The following LRRC9 variants were observed in gnomAD, a reference collection of about 807,000 sequenced individuals.
LRRC9 encodes leucine-rich repeat-containing protein 9.
In LRRC9, 122 loss-of-function variants were observed where a neutral mutation model predicts 63.2. The ratio of observed to expected loss-of-function variants is 1.93; its 90% CI spans 1.67 to 2.24. The LOEUF (loss-of-function observed/expected upper bound fraction) is 2.24, where lower values mean the gene tolerates loss of function less well. Ranked by LOEUF, LRRC9 falls within the 30% of genes most tolerant of loss-of-function variation. The pLI is 0.00. For synonymous variants in LRRC9, 366 were observed against 213.1 expected (o/e 1.72, Z -6.25); for missense variants, 1,071 against 627.7 (o/e 1.71, Z -7.55).
Position 59,990,035 on chromosome 14 carries a change from C to A in LRRC9, c.2211+4811C>A, listed in dbSNP as rs185170560. 1.3e-5 allele frequency among the ~76,000 whole-genome samples: 2 copies of A among 150,468 alleles called. No individual in the cohort carries two copies. The highest frequency in any genetic ancestry group is 4.9e-5 in the African/African-American group (2 of 40,904). ...ATCCACCTCCTGGATTCAAGTAATTCTCCTGCCTTGGCCTCCCGACTAGAT... is the reference window on the plus strand; with the variant it reads ...ATCCACCTCCTGGATTCAAGTAATTATCCTGCCTTGGCCTCCCGACTAGAT... On this transcript the variant is annotated intron_variant, in intron 17 of 31. Coordinates refer to ENST00000445360, the Ensembl canonical transcript of LRRC9. This position sits in a 1 kb window ranked among gnomAD's most constrained non-coding sequence, Gnocchi z 4.2.
intron 23 of LRRC9, among the ~76,000 whole-genome samples, chr14:60,015,956 G>A (rs139085105): frequency 1.5e-3 from 234 of 152,186 alleles, no homozygotes; most frequent in Non-Finnish European, 2.5e-3. Flanking sequence ...GCTTGTTATC[G>A]TCTAAAGTTT....
Position 60,045,252 on chromosome 14 carries a change from C to G in LRRC9, c.3991-7813C>G, listed in dbSNP as rs1052334617. On this transcript the variant is annotated intron_variant, in intron 29 of 31. Coordinates refer to ENST00000445360, the Ensembl canonical transcript of LRRC9. ...GCATATAGTTGGGTCTTCTTTCTTT[C>G]TTTTTTAAAAAAAAATTTCAACTTT... Among the ~76,000 whole-genome samples, 7 of 151,632 alleles carry G rather than the reference C, an allele frequency of 4.6e-5. No homozygotes were observed. In the South Asian group the frequency reaches 6.2e-4, roughly 14 times the overall value.
chr14:60,009,332 T>C (rs994136053), intron 23 of LRRC9, among the ~76,000 whole-genome samples: 1 of 152,126 alleles, frequency 6.6e-6, no homozygotes, highest in Non-Finnish European at 1.5e-5. Context: ...CTCACAATCA[T>C]AGTGGAAGAC....
chr14:59,960,935 T>G, exon 10 of LRRC9: 1 of 682,356 alleles, frequency 1.5e-6, no homozygotes. Context: ...TTTATCATAT[T>G]GAAGTAAAAC....
In LRRC9 at chr14:59,990,176, C is replaced by A. The variant is rs1302551707; in HGVS notation, c.2211+4952C>A. On this transcript the variant is annotated intron_variant, in intron 17 of 31. Coordinates refer to ENST00000445360, the Ensembl canonical transcript of LRRC9. This position sits in a 1 kb window ranked among gnomAD's most constrained non-coding sequence, Gnocchi z 4.2. ...TCCCGACTTCAGGTGATCTGCCCGCCTCGACCTCCCAAAGTGCTGGGATTA... is the reference window on the plus strand; with the variant it reads ...TCCCGACTTCAGGTGATCTGCCCGCATCGACCTCCCAAAGTGCTGGGATTA... Among the ~76,000 whole-genome samples the A allele has an allele frequency of 1.3e-5, 2 of 152,124 alleles. No homozygotes were observed. The highest frequency in any genetic ancestry group is 2.9e-5 in the Non-Finnish European group (2 of 68,026).
intron 10 of LRRC9, among the ~76,000 whole-genome samples, chr14:59,965,765 C>A (rs1403099496): frequency 6.6e-6 from 1 of 151,384 alleles, no homozygotes; most frequent in Non-Finnish European, 1.5e-5. Flanking sequence ...CGCCTGTAGT[C>A]CCAGCTACTC....
intron 15 of LRRC9, among the ~76,000 whole-genome samples, chr14:59,979,660 C>CT (rs907101883): frequency 6.6e-6 from 1 of 151,976 alleles, no homozygotes; most frequent in Non-Finnish European, 1.5e-5. Context: ...TGTTCATGTC[C>CT]TTTGTAGGGA....
chr14:60,049,307 C>T (rs1263635539), intron 29 of LRRC9, among the ~76,000 whole-genome samples: 1 of 152,092 alleles, frequency 6.6e-6, no homozygotes, highest in Non-Finnish European at 1.5e-5. Flanking sequence ...ATGATGCTGG[C>T]TGGTTATTTT....
At position 59,964,592 on chromosome 14, in the gene LRRC9, G is replaced by C. The variant is rs1884649190; in HGVS notation, c.1212-1997G>C. ...CCTCAAGCCCAATATCCCCTATATA[G>C]CAAAAACTTTATCTAAAACGCCTAC... On this transcript the variant is annotated intron_variant, in intron 10 of 31. Transcript: ENST00000445360. This position sits in a 1 kb window ranked among gnomAD's most constrained non-coding sequence, Gnocchi z 4.4. Among the ~76,000 whole-genome samples, 1 of 152,096 alleles carries C rather than the reference G, an allele frequency of 6.6e-6. No homozygotes were observed. The highest frequency in any genetic ancestry group is 1.5e-5 in the Non-Finnish European group (1 of 68,020).
intron 28 of LRRC9, among the ~76,000 whole-genome samples, chr14:60,029,231 C>G (rs914747916): frequency 6.6e-6 from 1 of 151,982 alleles, no homozygotes; most frequent in Non-Finnish European, 1.5e-5. Context: ...CAGATCTTAC[C>G]TGGTATCAAG....
Position 59,944,588 on chromosome 14 carries a change from G to T in LRRC9, c.727-1G>T. On this transcript the variant is annotated splice_acceptor_variant, in intron 7 of 31. Transcript: ENST00000445360. LOFTEE classifies it high-confidence loss of function. ...TTTGTTGTTTTCTTTCTTACTTTTAGACCACAGCAATGAAAAAAATAATGT... is the reference window on the plus strand; with the variant it reads ...TTTGTTGTTTTCTTTCTTACTTTTATACCACAGCAATGAAAAAAATAATGT... 1.8e-6 allele frequency: 1 copy of T among 555,942 alleles called. No individual in the cohort carries two copies. The highest frequency in any genetic ancestry group is 2.5e-5 in the South Asian group (1 of 39,312). The allele number at this position is 555,942 out of a possible 1,614,324, so 34.4% of individuals were successfully genotyped here. A position where few individuals can be genotyped will look rare whatever the true frequency, so the allele number is the denominator to read the frequency against.
In LRRC9 at chr14:60,045,385, C is replaced by A. The variant is rs563328963; in HGVS notation, c.3991-7680C>A. Among the ~76,000 whole-genome samples the A allele has an allele frequency of 1.7e-3, 254 of 152,224 alleles. 3 individuals carry two copies. The highest frequency in any genetic ancestry group is 0.014 in the Admixed American group (220 of 15,296). On this transcript the variant is annotated intron_variant, in intron 29 of 31. Coordinates refer to ENST00000445360, the Ensembl canonical transcript of LRRC9. ...GTCACCCCATCACCTAGGTATTAAG[C>A]CAAGCATCTATTAGCTATTCTTCCT...
At position 59,962,506 on chromosome 14, in the gene LRRC9, C is replaced by T. The variant is rs912393054; in HGVS notation, c.1211+1461C>T. Among the ~76,000 whole-genome samples, 3 of 151,944 alleles carry T rather than the reference C, an allele frequency of 2.0e-5. No homozygotes were observed. Among genetic ancestry groups the T allele is most frequent in the Admixed American group, 6.6e-5 (1 of 15,262 alleles). On this transcript the variant is annotated intron_variant, in intron 10 of 31. Coordinates refer to ENST00000445360, the Ensembl canonical transcript of LRRC9. The surrounding 1 kb of genome is among the most constrained non-coding windows in gnomAD (Gnocchi z 5.1). ...GCAACCTCTGCCTCCCAGGTTCAAGCGATTCTCCTGCCTCAGACTCCCGAG... is the reference window on the plus strand; with the variant it reads ...GCAACCTCTGCCTCCCAGGTTCAAGTGATTCTCCTGCCTCAGACTCCCGAG...
Position 60,003,044 on chromosome 14 carries a change from G to A in LRRC9, c.2665-577G>A, listed in dbSNP as rs1386454403. 1.3e-5 allele frequency among the ~76,000 whole-genome samples: 2 copies of A among 152,144 alleles called. No individual in the cohort carries two copies. Among genetic ancestry groups the A allele is most frequent in the Non-Finnish European group, 2.9e-5 (2 of 68,014 alleles). ...TACCTCTTGCCAAACATAGAAACTG[G>A]GCTAAGTGAAGCTGCTCCCAGAAAA... On this transcript the variant is annotated intron_variant, in intron 20 of 31. Coordinates refer to ENST00000445360, the Ensembl canonical transcript of LRRC9. The surrounding 1 kb of genome is among the most constrained non-coding windows in gnomAD (Gnocchi z 4.2).
chr14:59,999,435 A>G (rs1021627917), intron 19 of LRRC9, among the ~76,000 whole-genome samples: 2 of 152,038 alleles, frequency 1.3e-5, no homozygotes, highest in African/African-American at 2.4e-5. Flanking sequence ...TTGACTATCC[A>G]TGAACACTAC....
At chr14:60,019,513 A>C (rs144798358) in intron 26 of LRRC9, among the ~76,000 whole-genome samples, 1 of 151,940 alleles carries the variant, frequency 6.6e-6, no homozygotes, top group East Asian at 1.9e-4. Context: ...AAACCAAAAA[A>C]CAAACAAACA....
At chr14:59,960,082 A>G (rs572092698) in intron 9 of LRRC9, 68 bp downstream of exon 9, 34 of 572,898 alleles carry the variant, frequency 5.9e-5, no homozygotes, top group Admixed American at 2.3e-4. Flanking sequence ...TTGGGCCATC[A>G]GTTGACCCTA....
At chr14:60,034,816 A>G (rs1892295956) in intron 29 of LRRC9, among the ~76,000 whole-genome samples, 1 of 152,198 alleles carries the variant, frequency 6.6e-6, no homozygotes, top group Non-Finnish European at 1.5e-5. Context: ...ATAGGAGTGC[A>G]GGTATCTCTT....
At chr14:59,969,965 GCCTTTTAAAACT>G (rs1885292544) in intron 12 of LRRC9, among the ~76,000 whole-genome samples, 1 of 152,070 alleles carries the variant, frequency 6.6e-6, no homozygotes, top group Non-Finnish European at 1.5e-5. Context: ...TCTAAAACCA[GCCTTTTAAAACT>G]GTTAAGTTCA....
Sources: gnomAD v4.1 joint callset for allele counts (sites outside exome capture counted in the v4.1 genomes callset) on GRCh38, gnomAD v4.1.1 for gene constraint, Gnocchi (gnomAD v3.1) non-coding constraint, MANE v1.5 for transcripts, NCBI Gene and HGNC (gene_info 2026-07-23, HGNC 2026-07-21) for gene names.